Variants in ADGRG2 observed in about 807,000 individuals in gnomAD.
The protein encoded by ADGRG2 is G protein-coupled receptor 64.
ADGRG2 carries 26 observed loss-of-function variants against 74.1 expected under a neutral mutation model. That is an observed-to-expected ratio of 0.35 (90% CI 0.26 to 0.49). The LOEUF (loss-of-function observed/expected upper bound fraction) is 0.49, where lower values mean the gene tolerates loss of function less well. Among genes scored for constraint, ADGRG2 ranks in the 20% least tolerant of loss-of-function variants. The pLI, the probability that ADGRG2 is intolerant of heterozygous loss-of-function variation, is 0.99. For missense variants in ADGRG2, 619 were observed against 763.1 expected (o/e 0.81, Z 2.22); for synonymous variants, 296 against 295.2 (o/e 1.00, Z -0.03).
chrX:19,073,674 G>T (rs189349167), intron 2 of ADGRG2, among the ~76,000 whole-genome samples: 3 of 112,055 alleles, frequency 2.7e-5, no homozygotes, highest in Non-Finnish European at 3.8e-5. Context: ...AATAATCAAA[G>T]AATAATATTA....
At chrX:19,083,634 G>A (rs758954865) in intron 1 of ADGRG2, among the ~76,000 whole-genome samples, 5 of 111,674 alleles carry the variant, frequency 4.5e-5, no homozygotes, top group African/African-American at 6.5e-5. Context: ...TATTTGCAAT[G>A]ATATGAGGGA....
intron 1 of ADGRG2, among the ~76,000 whole-genome samples, chrX:19,107,920 G>A (rs2062339942): frequency 1.9e-5 from 2 of 106,169 alleles, no homozygotes; most frequent in Admixed American, 1.0e-4. Flanking sequence ...CTAACACGGT[G>A]AAACCCAGTC....
intron 2 of ADGRG2, among the ~76,000 whole-genome samples, chrX:19,080,667 T>G: frequency 9.0e-6 from 1 of 110,989 alleles, no homozygotes; most frequent in Admixed American, 9.6e-5. Flanking sequence ...AGTTTTTGGG[T>G]TTCTTTTATT....
At chrX:19,040,298 A>AT (rs1392100143) in intron 3 of ADGRG2, 74 bp from the exon 4 acceptor site, 260 of 674,081 alleles carry the variant, frequency 3.9e-4, no homozygotes, top group Middle Eastern at 8.3e-4. Flanking sequence ...TATATTAAGG[A>AT]TTTTTTGTCA....
intron 2 of ADGRG2, among the ~76,000 whole-genome samples, chrX:19,078,113 G>T (rs566444325): frequency 1.8e-5 from 2 of 112,348 alleles, no homozygotes; most frequent in African/African-American, 6.5e-5. Flanking sequence ...CAGACCAACA[G>T]AAAAGTCTCA....
chrX:19,068,972 A>C, intron 2 of ADGRG2, 137 bp from the exon 3 acceptor site: 20 of 344,207 alleles, frequency 5.8e-5, no homozygotes, highest in Non-Finnish European at 5.2e-5. Flanking sequence ...GAGAATCAGA[A>C]ACGCCAGTTG....
At chrX:19,055,716 G>A (rs2061401345) in intron 3 of ADGRG2, among the ~76,000 whole-genome samples, 1 of 109,164 alleles carries the variant, frequency 9.2e-6, no homozygotes, top group Non-Finnish European at 1.9e-5. Context: ...AGAGTGATGG[G>A]AATCAGGTGG....
At chrX:19,091,607 T>C (rs1449770981) in intron 1 of ADGRG2, among the ~76,000 whole-genome samples, 1 of 110,735 alleles carries the variant, frequency 9.0e-6, no homozygotes, top group Admixed American at 9.6e-5. Flanking sequence ...TACAAATGAT[T>C]TTCCTCTACA....
At chrX:19,026,003 A>G (rs1387923169) in intron 11 of ADGRG2, among the ~76,000 whole-genome samples, 1 of 112,171 alleles carries the variant, frequency 8.9e-6, no homozygotes, top group African/African-American at 3.2e-5. Flanking sequence ...TAGAAAAGCT[A>G]GATTTCATCA....
chrX:19,074,517 G>A lies in ADGRG2; in HGVS notation c.-1-5682C>T, dbSNP rs2061705382. 8.6e-5 allele frequency among the ~76,000 whole-genome samples: 8 copies of A among 93,213 alleles called. No homozygotes were observed. The South Asian group carries it at 3.7e-3, about 43-fold the overall frequency. 80.9% of individuals were successfully genotyped at this position (93,213 alleles called of 115,157 possible). A position where few individuals can be genotyped will look rare whatever the true frequency, so the allele number is the denominator to read the frequency against. On this transcript the variant is annotated intron_variant, in intron 2 of 28. Coordinates refer to ENST00000379869, the MANE Select transcript of ADGRG2 (RefSeq NM_001079858.3). ...CTCCCAAAGTGCTGGGATTACAGGA[G>A]TGAGCCACCGCACCCAGCGCATTTT...
At chrX:19,032,645 A>G (rs1289847745) in intron 8 of ADGRG2, 1 of 111,915 alleles carries the variant, frequency 8.9e-6, no homozygotes, top group African/African-American at 3.3e-5. Flanking sequence ...ATGAGTGAGA[A>G]AACTTTCTAA....
At chrX:19,018,624 A>G (rs1207252137) in intron 15 of ADGRG2, among the ~76,000 whole-genome samples, 1 of 111,655 alleles carries the variant, frequency 9.0e-6, no homozygotes, top group Non-Finnish European at 1.9e-5. Flanking sequence ...AACATCCAGA[A>G]TTAGACCCAA....
intron 2 of ADGRG2, among the ~76,000 whole-genome samples, chrX:19,071,907 GTA>G (rs1193782819): frequency 9.0e-6 from 1 of 110,863 alleles, no homozygotes; most frequent in East Asian, 2.8e-4. Flanking sequence ...AGGCTTGACT[GTA>G]CCTGAAACTG....
At chrX:19,011,813 C>T (rs1296339223) in intron 16 of ADGRG2, among the ~76,000 whole-genome samples, 1 of 111,943 alleles carries the variant, frequency 8.9e-6, no homozygotes, top group Non-Finnish European at 1.9e-5. Flanking sequence ...CCACTGCACT[C>T]CAGCCTGGGT....
chrX:19,030,400 T>A (rs2060801622), intron 9 of ADGRG2, among the ~76,000 whole-genome samples: 1 of 112,268 alleles, frequency 8.9e-6, no homozygotes, highest in African/African-American at 3.2e-5. Context: ...ATATTCCCAT[T>A]TCAAAAATAG....
intron 1 of ADGRG2, among the ~76,000 whole-genome samples, chrX:19,116,237 G>A (rs1045351511): frequency 2.7e-5 from 3 of 109,578 alleles, no homozygotes; most frequent in Non-Finnish European, 5.7e-5. Context: ...AAGTCCGGGC[G>A]CAGTGGCTCA....
intron 1 of ADGRG2, among the ~76,000 whole-genome samples, chrX:19,110,715 A>AC (rs1311514893): frequency 2.7e-5 from 3 of 110,190 alleles, no homozygotes; most frequent in African/African-American, 9.9e-5. Flanking sequence ...ACAAAAAAAA[A>AC]AAACAAAAAA....
At chrX:19,086,563 C>G (rs1157536108) in intron 1 of ADGRG2, among the ~76,000 whole-genome samples, 1 of 111,306 alleles carries the variant, frequency 9.0e-6, no homozygotes, top group Non-Finnish European at 1.9e-5. Flanking sequence ...ACTTAAGAGC[C>G]CTGCTCCAGT....
chrX:19,003,362 C>T (rs1232186910), intron 23 of ADGRG2, among the ~76,000 whole-genome samples: 2 of 110,766 alleles, frequency 1.8e-5, no homozygotes, highest in African/African-American at 6.6e-5. Flanking sequence ...CGCCATGTTG[C>T]CTAGGCTGGC....
Sources: gnomAD v4.1 joint callset for allele counts (sites outside exome capture counted in the v4.1 genomes callset) on GRCh38, gnomAD v4.1.1 for gene constraint, MANE v1.5 for transcripts, NCBI Gene and HGNC (gene_info 2026-07-23, HGNC 2026-07-21) for gene names.